ROCK1: variants seen among roughly 807,000 people sequenced by gnomAD.
ROCK1 encodes the protein Rho associated coiled-coil containing protein kinase 1.
Under a neutral mutation model 196.8 loss-of-function variants are expected in ROCK1, and 36 were observed. That is an observed-to-expected ratio of 0.18 (90% CI 0.14 to 0.24). ROCK1 has a LOEUF of 0.24. Ranked by LOEUF, ROCK1 falls within the 10% of genes least tolerant of loss-of-function variation. The pLI is 1.00. For synonymous variants in ROCK1, 443 were observed against 515.9 expected (o/e 0.86, Z 1.91); for missense variants, 920 against 1,562.0 (o/e 0.59, Z 6.93).
rs1465637659 is a variant in ROCK1 at position 21,006,580 on chromosome 18, G to A, written c.1656C>T (p.Asp552=). The A allele has an allele frequency of 1.2e-6, 2 of 1,613,098 alleles. No individual in the cohort carries two copies. Among genetic ancestry groups the A allele is most frequent in the African/African-American group, 1.3e-5 (1 of 74,866 alleles). The change falls in exon 16 of 33, where the codon GAC becomes GAT. Residue 552 remains aspartate, a synonymous_variant. Coordinates refer to ENST00000399799, the MANE Select transcript of ROCK1 (RefSeq NM_005406.3). Reference sequence around the variant, plus strand: ...CTGTGTCCGATTCTGTCCTAAGTAAGTCATTGGCTTCTTCTAGCTATTTAA... The same window carrying A: ...CTGTGTCCGATTCTGTCCTAAGTAAATCATTGGCTTCTTCTAGCTATTTAA... The part of the protein sequence containing the change: ...QLQKQLEEAN[D]LLRTESDTAV...
At chr18:21,100,726 T>G (rs1195258599) in intron 1 of ROCK1, among the ~76,000 whole-genome samples, 1 of 152,196 alleles carries the variant, frequency 6.6e-6, no homozygotes, top group African/African-American at 2.4e-5. Flanking sequence ...GGAGACTGCA[T>G]GTAGGGAGGG....
chr18:20,956,571 A>G (rs985870210), intron 29 of ROCK1, among the ~76,000 whole-genome samples: 1 of 152,220 alleles, frequency 6.6e-6, no homozygotes, highest in Non-Finnish European at 1.5e-5. Flanking sequence ...TTCAAGGTCA[A>G]CATATAAAAA....
chr18:21,087,134 T>TTTAA (rs1046241404), intron 1 of ROCK1, among the ~76,000 whole-genome samples: 1 of 152,162 alleles, frequency 6.6e-6, no homozygotes, highest in Non-Finnish European at 1.5e-5. Context: ...CTATGCCTAA[T>TTTAA]TTAATACCTA....
chr18:21,041,968 T>C (rs2036110986), intron 8 of ROCK1, 129 bp downstream of exon 8: 12 of 808,210 alleles, frequency 1.5e-5, no homozygotes, highest in Non-Finnish European at 1.9e-6. Flanking sequence ...ATCATAAAAT[T>C]ACATCAGGTT....
intron 27 of ROCK1, among the ~76,000 whole-genome samples, chr18:20,961,818 C>CTTT (rs11334095): frequency 1.5e-4 from 18 of 117,196 alleles, no homozygotes; most frequent in East Asian, 2.4e-4. Flanking sequence ...TTTCTTTTTC[C>CTTT]TTTTTTTTTT....
At chr18:21,028,057 G>A (rs1175569618) in intron 10 of ROCK1, among the ~76,000 whole-genome samples, 7 of 148,582 alleles carry the variant, frequency 4.7e-5, no homozygotes, top group Non-Finnish European at 8.9e-5. Context: ...CACCGCGCCC[G>A]GCCCACTTAA....
chr18:21,076,997 C>T (rs1474178258), intron 1 of ROCK1, among the ~76,000 whole-genome samples: 4 of 130,678 alleles, frequency 3.1e-5, no homozygotes, highest in Admixed American at 1.7e-4. Flanking sequence ...GACGGAGTCT[C>T]GCTCTGTCGC....
intron 16 of ROCK1, among the ~76,000 whole-genome samples, chr18:20,998,878 G>A (rs2035696407): frequency 1.3e-5 from 2 of 151,772 alleles, no homozygotes; most frequent in Admixed American, 1.3e-4. Context: ...CAAAGTGCTG[G>A]GATTACAATC....
intron 21 of ROCK1, among the ~76,000 whole-genome samples, chr18:20,982,453 T>C (rs749784911): frequency 1.3e-5 from 2 of 152,174 alleles, no homozygotes; most frequent in East Asian, 1.9e-4. Flanking sequence ...GGTTTCACCA[T>C]GTTGGCCAGG....
At chr18:20,969,043 C>T in intron 24 of ROCK1, 72 bp downstream of exon 24, 3 of 1,072,870 alleles carry the variant, frequency 2.8e-6, no homozygotes, top group Non-Finnish European at 4.2e-6. Context: ...TCTTAGAAAC[C>T]TAACACAACA....
At chr18:21,047,789 C>T (rs906416170) in intron 4 of ROCK1, among the ~76,000 whole-genome samples, 1 of 150,072 alleles carries the variant, frequency 6.7e-6, no homozygotes, top group Admixed American at 6.6e-5. Context: ...CAGAGCGAGA[C>T]TCCGTCTCAA....
At chr18:21,068,112 GTTAT>G (rs1181449553) in intron 2 of ROCK1, among the ~76,000 whole-genome samples, 1 of 152,174 alleles carries the variant, frequency 6.6e-6, no homozygotes, top group Non-Finnish European at 1.5e-5. Context: ...AATGGTTTGT[GTTAT>G]TTGTGTCCTA....
chr18:21,023,586 A>G (rs113850934), intron 11 of ROCK1, 34 bp downstream of exon 11: 2 of 1,207,752 alleles, frequency 1.7e-6, no homozygotes, highest in African/African-American at 1.6e-5. Flanking sequence ...AACAATTTTA[A>G]AAACAATTTT....
At chr18:21,033,846 G>A (rs572883811) in intron 9 of ROCK1, among the ~76,000 whole-genome samples, 1 of 65,542 alleles carries the variant, frequency 1.5e-5, no homozygotes, top group Admixed American at 2.3e-4. Context: ...GTGAAACCCC[G>A]TTTCTACTAA....
At chr18:21,008,239 G>C in intron 13 of ROCK1, 45 bp from the exon 14 acceptor site, 1 of 1,370,342 alleles carries the variant, frequency 7.3e-7, no homozygotes, top group Non-Finnish European at 9.9e-7. Context: ...TAATACTCTG[G>C]TCATTCATTC....
intron 4 of ROCK1, among the ~76,000 whole-genome samples, chr18:21,046,607 T>C (rs1308881423): frequency 6.6e-6 from 1 of 152,136 alleles, no homozygotes; most frequent in Non-Finnish European, 1.5e-5. Flanking sequence ...AATCCACTAA[T>C]GTGAAATTAG....
At chr18:20,993,673 T>A (rs2035646041) in intron 16 of ROCK1, among the ~76,000 whole-genome samples, 1 of 152,208 alleles carries the variant, frequency 6.6e-6, no homozygotes, top group South Asian at 2.1e-4. Context: ...ATTCAAGTAC[T>A]CTAACAAAGC....
rs73433116 is a variant in ROCK1, at chr18:21,051,661, G to A, written c.176-1781C>T. Among the ~76,000 whole-genome samples the A allele has an allele frequency of 6.6e-3, 1,004 of 152,190 alleles. 13 individuals carry two copies. Among genetic ancestry groups the A allele is most frequent in the African/African-American group, 0.023 (958 of 41,508 alleles). Reference sequence around the variant, plus strand: ...GTAATAAAACTAATATTTAAGTACCGAAAACCGTTTTCACATTAAAGTTTA... The same window carrying A: ...GTAATAAAACTAATATTTAAGTACCAAAAACCGTTTTCACATTAAAGTTTA... On this transcript the variant is annotated intron_variant, in intron 2 of 32. Coordinates refer to ENST00000399799, the MANE Select transcript of ROCK1 (RefSeq NM_005406.3).
chr18:21,039,417 TACC>T, intron 9 of ROCK1, 52 bp downstream of exon 9: 1 of 1,291,102 alleles, frequency 7.7e-7, no homozygotes, highest in African/African-American at 1.5e-5. Flanking sequence ...TTCAACAAAC[TACC>T]ACAACTACTT....
Sources: allele counts gnomAD v4.1 joint callset (sites outside exome capture counted in the v4.1 genomes callset), GRCh38; gene constraint gnomAD v4.1.1; transcripts MANE v1.5; gene names NCBI Gene and HGNC (gene_info 2026-07-23, HGNC 2026-07-21).